The following NPAS3 variants were observed in gnomAD, a reference collection of about 807,000 sequenced individuals.
NPAS3 encodes neuronal PAS domain protein 3.
In NPAS3, 14 loss-of-function variants were observed where a neutral mutation model predicts 73.1. That is an observed-to-expected ratio of 0.19 (90% CI 0.13 to 0.30). The LOEUF (loss-of-function observed/expected upper bound fraction) is 0.30, where lower values mean the gene tolerates loss of function less well. Among genes scored for constraint, NPAS3 ranks in the 10% least tolerant of loss-of-function variants. NPAS3 has a pLI of 1.00. For synonymous variants in NPAS3, 620 were observed against 541.5 expected, an observed-to-expected ratio of 1.14 and a Z score of -2.01; for missense variants, 1,096 against 1,250.0, an observed-to-expected ratio of 0.88 and a Z score of 1.86.
chr14:33,232,553 GCT>G (rs1427673062), intron 3 of NPAS3, among the ~76,000 whole-genome samples: 1 of 152,058 alleles, frequency 6.6e-6, no homozygotes, highest in Non-Finnish European at 1.5e-5. Flanking sequence ...CTTCTGCGTT[GCT>G]CTCTCTTTTG....
At chr14:33,763,785 A>C (rs1303716176) in intron 7 of NPAS3, among the ~76,000 whole-genome samples, 13 of 151,750 alleles carry the variant, frequency 8.6e-5, no homozygotes, top group Admixed American at 8.5e-4. Context: ...GCCTCTTGGG[A>C]ATTGATCATT....
At chr14:33,010,290 T>G (rs1269085290) in intron 1 of NPAS3, among the ~76,000 whole-genome samples, 1 of 152,192 alleles carries the variant, frequency 6.6e-6, no homozygotes, top group Non-Finnish European at 1.5e-5. Context: ...GGATAGGTTG[T>G]GAGAGATCCT....
intron 5 of NPAS3, 84 bp from the exon 6 acceptor site, chr14:33,676,127 C>G (rs1192206709): frequency 7.3e-7 from 1 of 1,365,314 alleles, no homozygotes; most frequent in Non-Finnish European, 1.0e-6. Context: ...CTTTTCTACT[C>G]AGAATCTGAA....
intron 2 of NPAS3, among the ~76,000 whole-genome samples, chr14:33,091,834 T>G (rs2042235318): frequency 6.6e-6 from 1 of 152,078 alleles, no homozygotes; most frequent in Admixed American, 6.5e-5. Context: ...AATCAATAAA[T>G]GTAATCCAGC....
At chr14:33,748,228 T>C (rs956469362) in intron 7 of NPAS3, among the ~76,000 whole-genome samples, 17 of 152,198 alleles carry the variant, frequency 1.1e-4, no homozygotes, top group African/African-American at 4.1e-4. Flanking sequence ...AAAAGAAGTT[T>C]AGAGATGAGA....
chr14:33,239,926 C>T (rs1177419079), intron 3 of NPAS3, among the ~76,000 whole-genome samples: 1 of 151,808 alleles, frequency 6.6e-6, no homozygotes, highest in Non-Finnish European at 1.5e-5. Context: ...AGAGAATGCA[C>T]TGCTTTTAAC....
chr14:33,041,576 CA>C (rs1368516254), intron 1 of NPAS3, among the ~76,000 whole-genome samples: 2 of 152,016 alleles, frequency 1.3e-5, no homozygotes, highest in African/African-American at 2.4e-5. Context: ...ATATATTAGC[CA>C]AAAAGAAGGA....
chr14:33,212,799 A>G (rs10483432), intron 2 of NPAS3, among the ~76,000 whole-genome samples: 69,491 of 152,042 alleles, frequency 0.46, 17,284 homozygotes, highest in Non-Finnish European at 0.55. Context: ...ATATTACATA[A>G]GTAACAAATA....
intron 2 of NPAS3, among the ~76,000 whole-genome samples, chr14:33,195,222 C>T (rs2046308611): frequency 6.6e-6 from 1 of 151,530 alleles, no homozygotes. Flanking sequence ...ACCTCTCCCA[C>T]CCACTAGCTA....
At chr14:33,614,645 C>T (rs1222196259) in intron 5 of NPAS3, among the ~76,000 whole-genome samples, 3 of 152,124 alleles carry the variant, frequency 2.0e-5, no homozygotes, top group Non-Finnish European at 4.4e-5. Context: ...CAGTTTAGAG[C>T]AGTGTTATCA....
rs1421750160 is a variant in NPAS3 at position 33,800,106 on chromosome 14, G to C, written c.1799G>C (p.Arg600Pro). 1 of 1,585,336 alleles carries C rather than the reference G, an allele frequency of 6.3e-7. No homozygotes were observed. Among genetic ancestry groups the C allele is most frequent in the Non-Finnish European group, 8.6e-7 (1 of 1,168,968 alleles). Residue 600 changes from arginine (R) to proline (P), a missense_variant, in exon 12 of 12, where the codon CGC becomes CCC. Around this residue, in one of 5 missense-constraint regions of NPAS3, gnomAD observed 698 missense variants for 676.7 expected, o/e 1.03. Transcript: ENST00000356141. The surrounding 1 kb of genome is among the most constrained non-coding windows in gnomAD (Gnocchi z 6.5). ...CAGGCCTCCAGCAAGCACCAGAAGC[G>C]CAAGAAAAGGCGGAAACGGCAAAAG...
At chr14:33,635,003 A>G (rs1310851129) in intron 5 of NPAS3, among the ~76,000 whole-genome samples, 1 of 152,226 alleles carries the variant, frequency 6.6e-6, no homozygotes, top group Non-Finnish European at 1.5e-5. Context: ...AGATTCTGAT[A>G]TATGCTCAAG....
chr14:33,544,788 T>TTTTATATATATATATATATATA (rs1555409893), intron 4 of NPAS3, among the ~76,000 whole-genome samples: 3 of 63,254 alleles, frequency 4.7e-5, no homozygotes, highest in African/African-American at 2.6e-4. Flanking sequence ...TGTGTGTGTA[T>TTTTATATATATATATATATATA]TATATATATA....
chr14:33,673,456 C>T (rs779610947), intron 5 of NPAS3, among the ~76,000 whole-genome samples: 32 of 152,188 alleles, frequency 2.1e-4, no homozygotes, highest in South Asian at 6.2e-4. Context: ...CATGTATCAC[C>T]CCCTGCTGAC....
chr14:33,415,460 A>G (rs953366439), intron 4 of NPAS3, among the ~76,000 whole-genome samples: 1 of 151,984 alleles, frequency 6.6e-6, no homozygotes, highest in African/African-American at 2.4e-5. Flanking sequence ...TTTTTCCTTC[A>G]AGGAGATTTT....
intron 1 of NPAS3, among the ~76,000 whole-genome samples, chr14:33,010,950 A>G (rs892294680): frequency 2.1e-5 from 2 of 94,564 alleles, no homozygotes; most frequent in African/African-American, 5.7e-5. Flanking sequence ...AAAAAAAAAA[A>G]AAAAAGAAAA....
intron 1 of NPAS3, among the ~76,000 whole-genome samples, chr14:32,953,499 A>C (rs1390228573): frequency 1.3e-5 from 2 of 152,140 alleles, no homozygotes; most frequent in Admixed American, 1.3e-4. Context: ...GGCTTCAGGA[A>C]ATCCAATAAT....
At chr14:33,223,292 C>T (rs1197083934) in intron 3 of NPAS3, among the ~76,000 whole-genome samples, 1 of 152,102 alleles carries the variant, frequency 6.6e-6, no homozygotes, top group Non-Finnish European at 1.5e-5. Flanking sequence ...GCCTGGACAA[C>T]AAGAGTGAGA....
At chr14:33,105,492 G>T (rs1219073623) in intron 2 of NPAS3, among the ~76,000 whole-genome samples, 1 of 151,986 alleles carries the variant, frequency 6.6e-6, no homozygotes, top group Non-Finnish European at 1.5e-5. Context: ...CCTACCTCCA[G>T]GTTTCAAACT....
Sources: allele counts gnomAD v4.1 joint callset (sites outside exome capture counted in the v4.1 genomes callset), GRCh38; gene constraint gnomAD v4.1.1; regional missense constraint gnomAD v4.1.1; non-coding constraint Gnocchi (gnomAD v3.1); transcripts MANE v1.5; gene names NCBI Gene and HGNC (gene_info 2026-07-23, HGNC 2026-07-21).